Variants in OR6N1 observed in about 807,000 individuals in gnomAD.
The protein encoded by OR6N1 is olfactory receptor family 6 subfamily N member 1.
For synonymous variants in OR6N1, 170 were observed against 150.7 expected, an observed-to-expected ratio of 1.13 and a Z score of -0.94; for missense variants, 394 against 371.7, an observed-to-expected ratio of 1.06 and a Z score of -0.49.
At chr1:158,771,425 G>A (rs79128799) in intron 1 of OR6N1, among the ~76,000 whole-genome samples, 1 of 152,124 alleles carries the variant, frequency 6.6e-6, no homozygotes, top group East Asian at 1.9e-4. Flanking sequence ...GAGATGACTT[G>A]TGCAGCTCTT....
intron 1 of OR6N1, among the ~76,000 whole-genome samples, chr1:158,771,727 G>T (rs559229199): frequency 6.6e-6 from 1 of 152,066 alleles, no homozygotes; most frequent in Admixed American, 6.6e-5. Context: ...TTTAAAAAAC[G>T]AAACAAACAA....
chr1:158,833,650 T>C, the OR6N1 span, among the ~76,000 whole-genome samples: 1 of 152,240 alleles, frequency 6.6e-6, no homozygotes, highest in Non-Finnish European at 1.5e-5. Flanking sequence ...TATTGTATCA[T>C]GTGTCAGAAT....
At chr1:158,777,599 CA>C in the OR6N1 span, 1 of 1,613,792 alleles carries the variant, frequency 6.2e-7, no homozygotes, top group Non-Finnish European at 8.5e-7. Context: ...CCAAGGAACA[CA>C]AATTCAGCCA....
chr1:158,795,923 C>G, the OR6N1 span: 1 of 152,234 alleles, frequency 6.6e-6, no homozygotes, highest in Non-Finnish European at 1.5e-5. Context: ...AAAAAGTCCA[C>G]AGCATGAATC....
the OR6N1 span, chr1:158,808,609 G>C: frequency 6.5e-6 from 1 of 152,926 alleles, no homozygotes; most frequent in Non-Finnish European, 1.5e-5. Flanking sequence ...CCACAGTTAC[G>C]TGGGAGGAAC....
rs1177342407 is a variant in OR6N1 at position 158,766,220 on chromosome 1, C to A, written c.463G>T (p.Gly155Trp). 3.1e-6 allele frequency: 5 copies of A among 1,614,072 alleles called. No homozygotes were observed. The highest frequency in any genetic ancestry group is 4.2e-6 in the Non-Finnish European group (5 of 1,180,006). ...AIGCWLGGLA[G>W]PVVEISLISR... ...ATCAAGGAAATTTCAACTACTGGCC[C>A]AGCCAAGCCTCCCAACCAACAGCCA... is the stretch of plus-strand genomic sequence containing the variant. Residue 155 changes from glycine (G) to tryptophan (W), a missense_variant, in exon 2 of 2, where the codon GGG (glycine) becomes TGG (tryptophan). Coordinates refer to ENST00000641846, the MANE Select transcript of OR6N1 (RefSeq NM_001005185.2).
At chr1:158,783,532 C>T in the OR6N1 span, among the ~76,000 whole-genome samples, 1 of 152,136 alleles carries the variant, frequency 6.6e-6, no homozygotes, top group Non-Finnish European at 1.5e-5. Context: ...TTCTGGTATC[C>T]TCTCTAACAT....
At chr1:158,782,534 G>T in the OR6N1 span, among the ~76,000 whole-genome samples, 4 of 152,128 alleles carry the variant, frequency 2.6e-5, no homozygotes, top group Non-Finnish European at 5.9e-5. Context: ...GGACATTTCT[G>T]TAAGAGAGTG....
the OR6N1 span, among the ~76,000 whole-genome samples, chr1:158,822,314 T>C: frequency 6.6e-6 from 1 of 152,210 alleles, no homozygotes; most frequent in African/African-American, 2.4e-5. Flanking sequence ...TTTTAATGTA[T>C]TGATTATTTC....
upstream of OR6N1, chr1:158,775,746 A>C (rs1205216047): frequency 1.3e-5 from 2 of 150,880 alleles, no homozygotes; most frequent in Non-Finnish European, 2.9e-5. Flanking sequence ...TTTTGTGAAA[A>C]GATTGTTGGC....
At chr1:158,797,437 A>C in the OR6N1 span, among the ~76,000 whole-genome samples, 1 of 152,238 alleles carries the variant, frequency 6.6e-6, no homozygotes, top group Non-Finnish European at 1.5e-5. Flanking sequence ...ACTTCTCTGC[A>C]ACCCCAGAAA....
At chr1:158,814,046 G>A in the OR6N1 span, among the ~76,000 whole-genome samples, 23 of 152,216 alleles carry the variant, frequency 1.5e-4, no homozygotes, top group African/African-American at 5.5e-4. Flanking sequence ...AAGAATGCAT[G>A]TCAATACAGT....
At chr1:158,820,960 T>A in the OR6N1 span, among the ~76,000 whole-genome samples, 1 of 152,166 alleles carries the variant, frequency 6.6e-6, no homozygotes, top group Non-Finnish European at 1.5e-5. Flanking sequence ...AAGTCTGGCA[T>A]AGAGAAGAAG....
chr1:158,766,086 A>T lies in OR6N1; in HGVS notation c.597T>A (p.Asp199Glu). ...CTDTSINVLV[D>E]FVINSCKILA... ...GGATCTTGCAGGAATTTATAACAAA[A>T]TCTACTAGGACATTTATAGACGTAT... is the stretch of plus-strand genomic sequence containing the variant. Residue 199 changes from aspartate to glutamate, a missense_variant, in exon 2 of 2, where the codon GAT (aspartate) becomes GAA (glutamate). By Grantham distance (45) the Asp-to-Glu change is conservative (BLOSUM62 2). Coordinates refer to ENST00000641846, the MANE Select transcript of OR6N1 (RefSeq NM_001005185.2). The T allele has an allele frequency of 1.2e-6, 2 of 1,614,138 alleles. No homozygotes were observed. The highest frequency in any genetic ancestry group is 1.7e-6 in the Non-Finnish European group (2 of 1,180,010).
chr1:158,780,162 C>T, the OR6N1 span, among the ~76,000 whole-genome samples: 1 of 152,174 alleles, frequency 6.6e-6, no homozygotes, highest in Non-Finnish European at 1.5e-5. Flanking sequence ...TGTTGAAAGA[C>T]CTATCATTGT....
the OR6N1 span, among the ~76,000 whole-genome samples, chr1:158,801,331 G>C: frequency 6.6e-6 from 1 of 152,038 alleles, no homozygotes; most frequent in Non-Finnish European, 1.5e-5. Context: ...AAACAGGAGA[G>C]ACAGAAAAGT....
the OR6N1 span, among the ~76,000 whole-genome samples, chr1:158,797,101 T>G: frequency 6.6e-6 from 1 of 152,208 alleles, no homozygotes; most frequent in Non-Finnish European, 1.5e-5. Flanking sequence ...ACACTCTAAT[T>G]TGGCAACTCC....
chr1:158,803,034 C>T, the OR6N1 span, among the ~76,000 whole-genome samples: 1 of 151,774 alleles, frequency 6.6e-6, no homozygotes, highest in Non-Finnish European at 1.5e-5. Context: ...CATTCATAGC[C>T]CCAAATGTAC....
the OR6N1 span, among the ~76,000 whole-genome samples, chr1:158,792,710 C>T: frequency 5.3e-5 from 8 of 151,972 alleles, no homozygotes; most frequent in Non-Finnish European, 1.2e-4. Context: ...AAGATAGGAC[C>T]CCAGTCTTTT....
Sources: allele counts gnomAD v4.1 joint callset (sites outside exome capture counted in the v4.1 genomes callset), GRCh38; gene constraint gnomAD v4.1.1; transcripts MANE v1.5; gene names NCBI Gene and HGNC (gene_info 2026-07-23, HGNC 2026-07-21).